Variants in SNTB2 observed in about 807,000 individuals in gnomAD.
SNTB2 encodes syntrophin beta 2.
In SNTB2, 34 loss-of-function variants were observed where a neutral mutation model predicts 46.2. That is an observed-to-expected ratio of 0.74 (90% CI 0.56 to 0.98). The LOEUF is 0.98. Ranked by LOEUF, SNTB2 falls within the 50% of genes least tolerant of loss-of-function variation. The probability of loss-of-function intolerance (pLI) is 0.00; values close to 1 mark genes in which losing one functional copy is unlikely to be tolerated. For missense variants in SNTB2, 603 were observed against 731.4 expected, an observed-to-expected ratio of 0.82 and a Z score of 2.02; for synonymous variants, 290 against 312.6, an observed-to-expected ratio of 0.93 and a Z score of 0.76.
intron 5 of SNTB2, among the ~76,000 whole-genome samples, chr16:69,295,210 A>G (rs1238513408): frequency 1.3e-5 from 2 of 149,558 alleles, no homozygotes; most frequent in Admixed American, 1.3e-4. Flanking sequence ...CAACCCTGTT[A>G]AACAAAATCA....
rs894122229 is a variant in SNTB2, at chr16:69,216,552, G to A, written c.580+28806G>A. Among the ~76,000 whole-genome samples the A allele has an allele frequency of 4.6e-5, 7 of 151,884 alleles. No homozygotes were observed. In the East Asian group the frequency reaches 1.2e-3, roughly 25 times the overall value. On this transcript the variant is annotated intron_variant, in intron 1 of 6. Coordinates refer to ENST00000336278, the MANE Select transcript of SNTB2 (RefSeq NM_006750.4). Reference sequence around the variant, plus strand: ...AAAAAAAAAAAATTAGCTGAGCATGGTGTGCACCTATAGTTTCAGCTACTC... The same window carrying A: ...AAAAAAAAAAAATTAGCTGAGCATGATGTGCACCTATAGTTTCAGCTACTC...
chr16:69,218,318 A>T (rs1964368317), intron 1 of SNTB2, among the ~76,000 whole-genome samples: 1 of 152,190 alleles, frequency 6.6e-6, no homozygotes, highest in Non-Finnish European at 1.5e-5. Flanking sequence ...ACTTGACAAG[A>T]ATATTTGTCA....
chr16:69,244,502 G>A (rs917804320), intron 1 of SNTB2, among the ~76,000 whole-genome samples: 2 of 152,202 alleles, frequency 1.3e-5, no homozygotes, highest in African/African-American at 4.8e-5. Context: ...AGGAGAAACT[G>A]TGTGTACCAC....
chr16:69,267,559 T>C (rs1964898433), intron 3 of SNTB2, among the ~76,000 whole-genome samples: 1 of 152,220 alleles, frequency 6.6e-6, no homozygotes. Context: ...AAAACTCAGG[T>C]TCACTGATAA....
At chr16:69,229,268 C>T (rs577708030) in intron 1 of SNTB2, among the ~76,000 whole-genome samples, 1 of 152,218 alleles carries the variant, frequency 6.6e-6, no homozygotes, top group African/African-American at 2.4e-5. Context: ...CACCCAGGCT[C>T]AGATGATCCT....
At chr16:69,297,939 A>G (rs1376854898) in intron 5 of SNTB2, among the ~76,000 whole-genome samples, 11 of 152,012 alleles carry the variant, frequency 7.2e-5, no homozygotes, top group Non-Finnish European at 1.2e-4. Flanking sequence ...AAGAATCTCT[A>G]AATCTCTCTT....
chr16:69,219,669 A>G (rs937535943), intron 1 of SNTB2, among the ~76,000 whole-genome samples: 5 of 152,130 alleles, frequency 3.3e-5, no homozygotes, highest in South Asian at 2.1e-4. Context: ...AATTTCTTCA[A>G]TTATTTAATA....
chr16:69,229,636 G>A (rs1172097618), intron 1 of SNTB2, among the ~76,000 whole-genome samples: 3 of 150,822 alleles, frequency 2.0e-5, no homozygotes, highest in African/African-American at 7.3e-5. Flanking sequence ...TCAAGAGATT[G>A]AGACCATCCT....
chr16:69,229,358 T>C (rs571969950), intron 1 of SNTB2, among the ~76,000 whole-genome samples: 1 of 151,756 alleles, frequency 6.6e-6, no homozygotes, highest in Non-Finnish European at 1.5e-5. Context: ...TTTGTAGAGA[T>C]AGGATTTTGC....
At chr16:69,271,242 T>A (rs1964934469) in intron 4 of SNTB2, among the ~76,000 whole-genome samples, 2 of 152,304 alleles carry the variant, frequency 1.3e-5, no homozygotes, top group East Asian at 3.9e-4. Context: ...GAGCTGGAGC[T>A]CCTAGATCAC....
At position 69,305,485 on chromosome 16, in the gene SNTB2, G is replaced by A. The variant is rs1965309609; in HGVS notation, c.*4561G>A. 6.6e-6 allele frequency: 1 copy of A among 152,178 alleles called. No homozygotes were observed. Among genetic ancestry groups the A allele is most frequent in the African/African-American group, 2.4e-5 (1 of 41,442 alleles). The allele number at this position is 152,178 out of a possible 1,614,324, so 9.4% of individuals were successfully genotyped here. A position where few individuals can be genotyped will look rare whatever the true frequency, so the allele number is the denominator to read the frequency against. ...CATGAATGAAATGGCTGGTTAGAAA[G>A]CCAAAGGTCTTCTTTTTTCAATTCC... On this transcript the variant is annotated 3_prime_UTR_variant, in exon 7 of 7. Coordinates refer to ENST00000336278, the MANE Select transcript of SNTB2 (RefSeq NM_006750.4).
At chr16:69,300,795 T>C (rs1965271158) in intron 6 of SNTB2, 37 bp from the exon 7 acceptor site, 1 of 1,263,090 alleles carries the variant, frequency 7.9e-7, no homozygotes, top group Non-Finnish European at 1.2e-6. Flanking sequence ...CTGTATATGG[T>C]AGTGAGGTAG....
intron 1 of SNTB2, among the ~76,000 whole-genome samples, chr16:69,207,850 G>A (rs1056070520): frequency 1.3e-5 from 2 of 152,070 alleles, no homozygotes; most frequent in Non-Finnish European, 2.9e-5. Context: ...GCTTATGCCT[G>A]TAATCCCAGC....
intron 1 of SNTB2, among the ~76,000 whole-genome samples, chr16:69,202,494 C>T (rs1327065233): frequency 6.6e-6 from 1 of 152,074 alleles, no homozygotes; most frequent in Non-Finnish European, 1.5e-5. Flanking sequence ...CCTCCATCTC[C>T]CAGGCTCAGG....
chr16:69,233,542 A>G (rs1964528386), intron 1 of SNTB2, among the ~76,000 whole-genome samples: 1 of 152,190 alleles, frequency 6.6e-6, no homozygotes, highest in African/African-American at 2.4e-5. Context: ...ATGTGCTTAT[A>G]TATGGCAGGT....
At chr16:69,188,890 G>T (rs1033645481) in intron 1 of SNTB2, among the ~76,000 whole-genome samples, 1 of 152,196 alleles carries the variant, frequency 6.6e-6, no homozygotes, top group African/African-American at 2.4e-5. Flanking sequence ...GAATTAGCCA[G>T]GGAGGACTTT....
chr16:69,298,904 G>T (rs1965252784), intron 5 of SNTB2, among the ~76,000 whole-genome samples: 1 of 152,082 alleles, frequency 6.6e-6, no homozygotes, highest in Non-Finnish European at 1.5e-5. Context: ...ATTCACTTTG[G>T]TGTTTGCTCA....
At chr16:69,220,860 C>T (rs1329199110) in intron 1 of SNTB2, among the ~76,000 whole-genome samples, 3 of 152,046 alleles carry the variant, frequency 2.0e-5, no homozygotes, top group Non-Finnish European at 2.9e-5. Flanking sequence ...TGGGTATATA[C>T]GGTCTATAAC....
chr16:69,199,083 A>T (rs1319231942), intron 1 of SNTB2, among the ~76,000 whole-genome samples: 2 of 151,758 alleles, frequency 1.3e-5, no homozygotes, highest in Non-Finnish European at 2.9e-5. Flanking sequence ...TTTAGTAGAG[A>T]TGGGTTTCTC....
Sources: allele counts gnomAD v4.1 joint callset (sites outside exome capture counted in the v4.1 genomes callset), GRCh38; gene constraint gnomAD v4.1.1; transcripts MANE v1.5; gene names NCBI Gene and HGNC (gene_info 2026-07-23, HGNC 2026-07-21).